The following CEP15 variants were observed in gnomAD, a reference collection of about 807,000 sequenced individuals.
CEP15 encodes centrosomal protein 15.
the CEP15 span, among the ~76,000 whole-genome samples, chr3:62,331,948 T>C: frequency 3.3e-5 from 5 of 152,298 alleles, no homozygotes; most frequent in African/African-American, 1.2e-4. Flanking sequence ...ACATATGGAA[T>C]AGTTTCATTT....
At chr3:62,330,008 C>T in the CEP15 span, among the ~76,000 whole-genome samples, 2 of 152,120 alleles carry the variant, frequency 1.3e-5, no homozygotes, top group Non-Finnish European at 2.9e-5. Flanking sequence ...TATTAACTTC[C>T]GGTATGGGAT....
the CEP15 span, chr3:62,320,562 T>G: frequency 6.6e-7 from 1 of 1,519,638 alleles, no homozygotes; most frequent in African/African-American, 1.4e-5. Flanking sequence ...ATATAGAAAT[T>G]GGACTGGCTT....
chr3:62,324,515 C>T, the CEP15 span, among the ~76,000 whole-genome samples: 2 of 152,094 alleles, frequency 1.3e-5, no homozygotes, highest in Admixed American at 1.3e-4. Context: ...TTTTTTAGCA[C>T]TAAAACTTCT....
chr3:62,334,257 A>T, the CEP15 span: 3 of 152,072 alleles, frequency 2.0e-5, no homozygotes, highest in African/African-American at 4.8e-5. This position sits in a 1 kb window ranked among gnomAD's most constrained non-coding sequence, Gnocchi z 4.9. Flanking sequence ...AGAAAAAAAA[A>T]ATATGTATAT....
At chr3:62,335,148 T>G in the CEP15 span, 1 of 152,098 alleles carries the variant, frequency 6.6e-6, no homozygotes, top group Non-Finnish European at 1.5e-5. Flanking sequence ...ATCTGTAAAT[T>G]AAATCACCAG....
chr3:62,334,752 T>A, the CEP15 span: 12 of 152,230 alleles, frequency 7.9e-5, no homozygotes, highest in Non-Finnish European at 1.6e-4. The surrounding 1 kb of genome is among the most constrained non-coding windows in gnomAD (Gnocchi z 4.9). Context: ...CCAGAACAAT[T>A]TTATACCTTC....
At chr3:62,327,048 TAA>T in the CEP15 span, among the ~76,000 whole-genome samples, 733 of 152,344 alleles carry the variant, frequency 4.8e-3, 5 homozygotes, top group Middle Eastern at 0.014. Context: ...ACTTGATTGA[TAA>T]GTCTCTAAAA....
the CEP15 span, among the ~76,000 whole-genome samples, chr3:62,321,323 C>A: frequency 1.6e-3 from 241 of 152,258 alleles, 1 homozygote; most frequent in African/African-American, 5.6e-3. The surrounding 1 kb of genome is among the most constrained non-coding windows in gnomAD (Gnocchi z 4.1). Flanking sequence ...TTTTTTACAT[C>A]TTTCTTCAAT....
chr3:62,320,362 G>T, the CEP15 span: 1 of 781,940 alleles, frequency 1.3e-6, no homozygotes, highest in Non-Finnish European at 2.0e-6. Context: ...TTTCTCTTCT[G>T]AGAGAACCAA....
the CEP15 span, chr3:62,333,574 T>G: frequency 1.7e-6 from 1 of 576,308 alleles, no homozygotes; most frequent in East Asian, 3.5e-5. This position sits in a 1 kb window ranked among gnomAD's most constrained non-coding sequence, Gnocchi z 4.0. Context: ...TTCAAGGTCA[T>G]GAATTTGCTT....
chr3:62,336,098 C>CT, the CEP15 span: 1 of 152,076 alleles, frequency 6.6e-6, no homozygotes, highest in South Asian at 2.1e-4. This position sits in a 1 kb window ranked among gnomAD's most constrained non-coding sequence, Gnocchi z 4.4. Flanking sequence ...TGAAGATAAT[C>CT]TTTAACTTTG....
the CEP15 span, among the ~76,000 whole-genome samples, chr3:62,325,237 G>GT: frequency 6.6e-6 from 1 of 152,050 alleles, no homozygotes; most frequent in African/African-American, 2.4e-5. Context: ...AAAGTCAGCT[G>GT]TTACACATAC....
At chr3:62,331,443 A>G in the CEP15 span, 24 of 1,468,420 alleles carry the variant, frequency 1.6e-5, no homozygotes, top group Non-Finnish European at 2.3e-5. Flanking sequence ...GACCCTATCT[A>G]TCTATCAGTA....
chr3:62,333,522 T>C, the CEP15 span: 7 of 1,062,636 alleles, frequency 6.6e-6, no homozygotes, highest in Admixed American at 9.2e-5. The surrounding 1 kb of genome is among the most constrained non-coding windows in gnomAD (Gnocchi z 4.0). Flanking sequence ...AGTGAAGATA[T>C]GAGAATTTAC....
At chr3:62,332,934 C>T in the CEP15 span, among the ~76,000 whole-genome samples, 1 of 152,094 alleles carries the variant, frequency 6.6e-6, no homozygotes, top group South Asian at 2.1e-4. Flanking sequence ...GATTATATCA[C>T]CATAAATGAT....
chr3:62,325,113 A>G, the CEP15 span, among the ~76,000 whole-genome samples: 1 of 152,208 alleles, frequency 6.6e-6, no homozygotes, highest in Non-Finnish European at 1.5e-5. Context: ...GATCTTAACA[A>G]GGGGTTTGCC....
At chr3:62,330,184 C>G in the CEP15 span, among the ~76,000 whole-genome samples, 1 of 152,220 alleles carries the variant, frequency 6.6e-6, no homozygotes, top group East Asian at 1.9e-4. Context: ...TTGCTCCCGC[C>G]GCTACCATCT....
chr3:62,320,416 CAT>C, the CEP15 span: 11 of 1,403,902 alleles, frequency 7.8e-6, no homozygotes, highest in Non-Finnish European at 1.1e-5. Context: ...AAGCTGAGGA[CAT>C]GTGGTAGAAG....
chr3:62,330,392 A>G, the CEP15 span, among the ~76,000 whole-genome samples: 2 of 152,182 alleles, frequency 1.3e-5, no homozygotes, highest in African/African-American at 2.4e-5. Flanking sequence ...GACCAAGGCC[A>G]CTGTGAACTT....
Sources: allele counts gnomAD v4.1 joint callset (sites outside exome capture counted in the v4.1 genomes callset), GRCh38; gene constraint gnomAD v4.1.1; non-coding constraint Gnocchi (gnomAD v3.1); transcripts MANE v1.5; gene names NCBI Gene and HGNC (gene_info 2026-07-23, HGNC 2026-07-21).